Variants in PCSK6 observed in about 807,000 individuals in gnomAD.
PCSK6 encodes the protein proprotein convertase subtilisin/kexin type 6, also known as paired basic amino acid cleaving enzyme 4.
Under a neutral mutation model 123.3 loss-of-function variants are expected in PCSK6, and 85 were observed. The ratio of observed to expected loss-of-function variants is 0.69; its 90% CI spans 0.58 to 0.83. The LOEUF is 0.83. PCSK6 is among the 40% of genes least tolerant of loss of function. The probability of loss-of-function intolerance (pLI) is 0.00; values close to 1 mark genes in which losing one functional copy is unlikely to be tolerated. For synonymous variants in PCSK6, 508 were observed against 516.0 expected (o/e 0.98, Z 0.21); for missense variants, 1,191 against 1,282.3 (o/e 0.93, Z 1.09).
intron 11 of PCSK6, among the ~76,000 whole-genome samples, chr15:101,370,812 G>A (rs1466949872): frequency 6.6e-6 from 1 of 152,252 alleles, no homozygotes; most frequent in Non-Finnish European, 1.5e-5. Flanking sequence ...GGGAGGCCGA[G>A]GCACCGCCTG....
intron 6 of PCSK6, among the ~76,000 whole-genome samples, chr15:101,404,703 G>A (rs958987031): frequency 3.3e-5 from 5 of 152,124 alleles, no homozygotes; most frequent in East Asian, 1.9e-4. Flanking sequence ...GAAGATTAAC[G>A]AAAAGCTAAG....
At chr15:101,378,746 TAC>T (rs1164766448) in intron 11 of PCSK6, among the ~76,000 whole-genome samples, 3 of 152,158 alleles carry the variant, frequency 2.0e-5, no homozygotes, top group Admixed American at 6.5e-5. Flanking sequence ...GGTGGATCCA[TAC>T]ACAGACAGGC....
intron 6 of PCSK6, among the ~76,000 whole-genome samples, chr15:101,407,730 C>T (rs895699841): frequency 6.6e-6 from 1 of 152,238 alleles, no homozygotes; most frequent in African/African-American, 2.4e-5. Context: ...CTCTCTCCTG[C>T]CTCCTGACAG....
At chr15:101,444,409 G>A (rs1274798885) in intron 1 of PCSK6, among the ~76,000 whole-genome samples, 2 of 152,088 alleles carry the variant, frequency 1.3e-5, no homozygotes, top group African/African-American at 4.8e-5. Flanking sequence ...TGTAGAGAAG[G>A]GCTAGTTGAT....
At chr15:101,479,318 A>T (rs1194990485) in intron 1 of PCSK6, among the ~76,000 whole-genome samples, 1 of 152,268 alleles carries the variant, frequency 6.6e-6, no homozygotes, top group Non-Finnish European at 1.5e-5. Context: ...AGTGTCCTGA[A>T]TGTCAAAGGC....
chr15:101,478,196 G>T (rs1042081874), intron 1 of PCSK6, among the ~76,000 whole-genome samples: 1 of 152,176 alleles, frequency 6.6e-6, no homozygotes, highest in African/African-American at 2.4e-5. Context: ...ACTATAGCAG[G>T]TTACTCAGCC....
chr15:101,447,766 C>T (rs754567729), intron 1 of PCSK6, among the ~76,000 whole-genome samples: 42 of 152,374 alleles, frequency 2.8e-4, no homozygotes, highest in Non-Finnish European at 4.9e-4. Context: ...TGGCCTCGGA[C>T]GGTGTCCACA....
At chr15:101,345,665 ATTTTCTT>A (rs947497355) in intron 13 of PCSK6, among the ~76,000 whole-genome samples, 3 of 152,172 alleles carry the variant, frequency 2.0e-5, no homozygotes, top group African/African-American at 7.2e-5. Context: ...ACAAAAGGGA[ATTTTCTT>A]TTTTCTTTTT....
intron 6 of PCSK6, among the ~76,000 whole-genome samples, chr15:101,400,650 A>G (rs1306824777): frequency 6.6e-6 from 1 of 152,218 alleles, no homozygotes; most frequent in Non-Finnish European, 1.5e-5. Flanking sequence ...CTGCTGTCCC[A>G]TCCATTTGTA....
chr15:101,483,931 C>T (rs4965881), intron 1 of PCSK6, among the ~76,000 whole-genome samples: 23,363 of 152,264 alleles, frequency 0.15, 2,071 homozygotes, highest in Middle Eastern at 0.24. Context: ...TCAGATGGTC[C>T]AGAAGCACCA....
chr15:101,421,991 T>C (rs1474744113), intron 6 of PCSK6, among the ~76,000 whole-genome samples: 1 of 152,170 alleles, frequency 6.6e-6, no homozygotes, highest in Non-Finnish European at 1.5e-5. Flanking sequence ...AATTAACTTT[T>C]TAAGACCACT....
At chr15:101,400,318 C>T (rs1186267374) in intron 6 of PCSK6, among the ~76,000 whole-genome samples, 2 of 152,210 alleles carry the variant, frequency 1.3e-5, no homozygotes, top group Non-Finnish European at 2.9e-5. Flanking sequence ...GGCTTAGTGG[C>T]TGCAGCTCCC....
At chr15:101,477,907 G>C (rs1355797007) in intron 1 of PCSK6, among the ~76,000 whole-genome samples, 2 of 152,206 alleles carry the variant, frequency 1.3e-5, no homozygotes, top group African/African-American at 4.8e-5. Flanking sequence ...TTCCTGCATA[G>C]ATAAGCCTTT....
At chr15:101,339,973 A>G (rs562009979) in intron 13 of PCSK6, among the ~76,000 whole-genome samples, 1 of 152,024 alleles carries the variant, frequency 6.6e-6, no homozygotes, top group African/African-American at 2.4e-5. Flanking sequence ...TGTATATTGT[A>G]TGTATATGTA....
At chr15:101,311,483 G>T (rs2624986) in intron 20 of PCSK6, among the ~76,000 whole-genome samples, 56,452 of 151,792 alleles carry the variant, frequency 0.37, 11,442 homozygotes, top group African/African-American at 0.55. Context: ...TGCTTCACCT[G>T]CCATCAGGAG....
chr15:101,321,011 G>A (rs7168323), intron 18 of PCSK6, among the ~76,000 whole-genome samples: 3 of 152,100 alleles, frequency 2.0e-5, no homozygotes, highest in Non-Finnish European at 2.9e-5. Context: ...ATGCATTCCC[G>A]GGGACCCCTC....
intron 13 of PCSK6, among the ~76,000 whole-genome samples, chr15:101,348,383 ACGT>A (rs1567156508): frequency 6.6e-6 from 1 of 152,214 alleles, no homozygotes; most frequent in Non-Finnish European, 1.5e-5. Context: ...GCGGAGTAAA[ACGT>A]CATCAAAATA....
At chr15:101,479,174 G>A (rs530706319) in intron 1 of PCSK6, among the ~76,000 whole-genome samples, 1 of 152,358 alleles carries the variant, frequency 6.6e-6, no homozygotes, top group South Asian at 2.1e-4. Flanking sequence ...GGACAGGGCT[G>A]CAGGCAGGTC....
At chr15:101,479,976 G>A (rs574564250) in intron 1 of PCSK6, among the ~76,000 whole-genome samples, 1 of 152,222 alleles carries the variant, frequency 6.6e-6, no homozygotes, top group Non-Finnish European at 1.5e-5. Context: ...ATCTCAAGGT[G>A]ATCTGCTTAA....
Sources: gnomAD v4.1 joint callset for allele counts (sites outside exome capture counted in the v4.1 genomes callset) on GRCh38, gnomAD v4.1.1 for gene constraint, MANE v1.5 for transcripts, NCBI Gene and HGNC (gene_info 2026-07-23, HGNC 2026-07-21) for gene names.